The following EPHB1 variants were observed in gnomAD, a reference collection of about 807,000 sequenced individuals.
The protein encoded by EPHB1 is ephrin type-B receptor 1.
EPHB1 carries 30 observed loss-of-function variants against 94.4 expected under a neutral mutation model. That is an observed-to-expected ratio of 0.32 (90% CI 0.24 to 0.43). The LOEUF is 0.43. EPHB1 is among the 20% of genes least tolerant of loss of function. The pLI is 1.00. For synonymous variants in EPHB1, 522 were observed against 489.1 expected, an observed-to-expected ratio of 1.07 and a Z score of -0.89; for missense variants, 1,055 against 1,308.3, an observed-to-expected ratio of 0.81 and a Z score of 2.99.
chr3:134,925,877 C>G lies in EPHB1; in HGVS notation c.120C>G (p.Ser40=). ...TGGGCTGGACGGCCAATCCTGCGTC[C>G]GGGGTGAGTATCAAACCATTCGTCT... is the stretch of plus-strand genomic sequence containing the variant. ...AELGWTANPA[S]GWEEVSGYDE... The change falls in exon 2 of 16, where the codon TCC becomes TCG. Residue 40 remains serine (S), a synonymous_variant. Transcript: ENST00000398015. 1.1e-5 allele frequency: 17 copies of G among 1,601,880 alleles called. No individual in the cohort carries two copies. Among genetic ancestry groups the G allele is most frequent in the Non-Finnish European group, 1.4e-5 (17 of 1,173,848 alleles).
At chr3:134,944,103 CCA>C (rs1488297069) in intron 2 of EPHB1, among the ~76,000 whole-genome samples, 1 of 152,114 alleles carries the variant, frequency 6.6e-6, no homozygotes, top group African/African-American at 2.4e-5. Flanking sequence ...ATTCTTTATG[CCA>C]GTTTGTAGTC....
intron 13 of EPHB1, among the ~76,000 whole-genome samples, chr3:135,243,635 C>G (rs544606162): frequency 1.2e-3 from 190 of 152,180 alleles, no homozygotes; most frequent in Non-Finnish European, 1.9e-3. Flanking sequence ...TCCCAGCTGC[C>G]GGGCTGAAGC....
intron 13 of EPHB1, among the ~76,000 whole-genome samples, chr3:135,245,949 A>G (rs1428179930): frequency 6.6e-6 from 1 of 151,962 alleles, no homozygotes; most frequent in Non-Finnish European, 1.5e-5. Context: ...CATTCTCTTG[A>G]TCCCTTGCCA....
rs1038341989 is a variant in EPHB1 at position 134,864,764 on chromosome 3, A to G, written c.59-61052A>G. On this transcript the variant is annotated intron_variant, in intron 1 of 15. Coordinates refer to ENST00000398015, the MANE Select transcript of EPHB1 (RefSeq NM_004441.5). The stretch of plus-strand genomic sequence containing the variant: ...GGGAGGCAATATGTCAGGGGGTAGC[A>G]TGGTTTGTTTCTTCAGTGGAGCAGA... Among the ~76,000 whole-genome samples the G allele has an allele frequency of 2.2e-4, 33 of 152,186 alleles. 2 individuals are homozygous for G. The highest frequency in any genetic ancestry group is 7.4e-5 in the Non-Finnish European group (5 of 68,018).
At position 134,796,884 on chromosome 3, in the gene EPHB1, C is replaced by T. The variant is rs114139061; in HGVS notation, c.58+1195C>T. On this transcript the variant is annotated intron_variant, in intron 1 of 15. Transcript: ENST00000398015. ...AGCGTTCCCATCTGGGAGCTCGCTC[C>T]GCTTGTTACTCGTTCCTCGCGAAAC... Among the ~76,000 whole-genome samples the T allele has an allele frequency of 5.4e-3, 823 of 152,350 alleles. 10 individuals are homozygous for T. The highest frequency in any genetic ancestry group is 0.018 in the African/African-American group (755 of 41,588).
At chr3:135,014,271 A>G (rs562577283) in intron 3 of EPHB1, among the ~76,000 whole-genome samples, 1 of 152,296 alleles carries the variant, frequency 6.6e-6, no homozygotes, top group South Asian at 2.1e-4. Context: ...GCAGGGACAG[A>G]AGCGCCATCC....
At chr3:135,227,707 A>C (rs1350617886) in intron 12 of EPHB1, among the ~76,000 whole-genome samples, 5 of 152,224 alleles carry the variant, frequency 3.3e-5, no homozygotes, top group Admixed American at 1.3e-4. Context: ...TTTCAAGAAG[A>C]TAAATTTCTA....
chr3:134,827,162 TGAG>T (rs573238713), intron 1 of EPHB1, among the ~76,000 whole-genome samples: 30 of 152,348 alleles, frequency 2.0e-4, no homozygotes, highest in Non-Finnish European at 3.5e-4. Flanking sequence ...ATTTTATAGA[TGAG>T]GAGACGGAGG....
At chr3:135,166,807 T>A (rs1941663925) in intron 8 of EPHB1, 135 bp from the exon 9 acceptor site, 9 of 807,388 alleles carry the variant, frequency 1.1e-5, no homozygotes. Context: ...AGGGCTGAAG[T>A]GAGAGTTGCC....
intron 1 of EPHB1, among the ~76,000 whole-genome samples, chr3:134,868,767 A>C (rs377633782): frequency 1.3e-5 from 2 of 152,232 alleles, no homozygotes; most frequent in African/African-American, 4.8e-5. Context: ...AAAGCTGACA[A>C]ACAGTGAATA....
At chr3:135,258,981 A>G in intron 15 of EPHB1, 31 bp from the exon 16 acceptor site, 1 of 1,535,926 alleles carries the variant, frequency 6.5e-7, no homozygotes, top group Non-Finnish European at 8.9e-7. Flanking sequence ...CTAACACTAA[A>G]GTGACTTCTT....
At chr3:135,030,960 T>C (rs1352605612) in intron 3 of EPHB1, among the ~76,000 whole-genome samples, 1 of 152,182 alleles carries the variant, frequency 6.6e-6, no homozygotes, top group Non-Finnish European at 1.5e-5. Context: ...AAAAGCGCAG[T>C]ATTCGGGTGG....
intron 3 of EPHB1, among the ~76,000 whole-genome samples, chr3:135,077,062 A>C (rs561314604): frequency 1.3e-5 from 2 of 152,344 alleles, no homozygotes; most frequent in Admixed American, 1.3e-4. Context: ...TCATTGAATA[A>C]TTTACAATGA....
At position 135,056,156 on chromosome 3, in the gene EPHB1, C is replaced by T. The variant is rs376278354; in HGVS notation, c.806-50292C>T. ...TAGCCTGCACACCAGTGTGGAACAT[C>T]GGGCTTCTTTCAGCAGATCCAGAGC... On this transcript the variant is annotated intron_variant, in intron 3 of 15. Coordinates refer to ENST00000398015, the MANE Select transcript of EPHB1 (RefSeq NM_004441.5). Among the ~76,000 whole-genome samples the T allele has an allele frequency of 2.6e-5, 4 of 152,354 alleles. 1 individual carries two copies. In the South Asian group the frequency reaches 8.3e-4, roughly 32 times the overall value.
chr3:135,241,039 C>A (rs1943769889), intron 12 of EPHB1, 109 bp from the exon 13 acceptor site: 1 of 1,307,698 alleles, frequency 7.6e-7, no homozygotes. Flanking sequence ...TCATAATTCA[C>A]AAGATATGGG....
intron 1 of EPHB1, among the ~76,000 whole-genome samples, chr3:134,918,176 C>T (rs16842256): frequency 0.012 from 1,888 of 152,234 alleles, 111 homozygotes; most frequent in Admixed American, 0.1. Context: ...TCAAACAGTA[C>T]GAGTTCTGTA....
chr3:135,232,488 CAG>C (rs1382385232), intron 12 of EPHB1, among the ~76,000 whole-genome samples: 1 of 152,224 alleles, frequency 6.6e-6, no homozygotes, highest in East Asian at 1.9e-4. Flanking sequence ...TGCTCGAAGG[CAG>C]AGTGTCCAAC....
At chr3:134,998,080 T>C (rs1254855262) in intron 3 of EPHB1, among the ~76,000 whole-genome samples, 2 of 152,204 alleles carry the variant, frequency 1.3e-5, no homozygotes, top group Non-Finnish European at 2.9e-5. Flanking sequence ...TGAAATGCTT[T>C]CTCTTGATGT....
chr3:135,207,142 T>G (rs1205662520), intron 12 of EPHB1, among the ~76,000 whole-genome samples: 1 of 152,220 alleles, frequency 6.6e-6, no homozygotes, highest in Non-Finnish European at 1.5e-5. Context: ...AAAGTTTCTT[T>G]GGTAAAAGAT....
Sources: gnomAD v4.1 joint callset for allele counts (sites outside exome capture counted in the v4.1 genomes callset) on GRCh38, gnomAD v4.1.1 for gene constraint, MANE v1.5 for transcripts, NCBI Gene and HGNC (gene_info 2026-07-23, HGNC 2026-07-21) for gene names.